The following KDM1A variants were observed in gnomAD, a reference collection of about 807,000 sequenced individuals.
The protein encoded by KDM1A is lysine-specific histone demethylase 1A.
In KDM1A, 49 loss-of-function variants were observed where a neutral mutation model predicts 109.4. The ratio of observed to expected loss-of-function variants is 0.45; its 90% CI spans 0.36 to 0.57. The LOEUF (loss-of-function observed/expected upper bound fraction) is 0.57, where lower values mean the gene tolerates loss of function less well. KDM1A is among the 20% of genes least tolerant of loss of function. The pLI, the probability that KDM1A is intolerant of heterozygous loss-of-function variation, is 0.00. For missense variants in KDM1A, 668 were observed against 1,116.6 expected (o/e 0.60, Z 5.73); for synonymous variants, 380 against 415.4 (o/e 0.91, Z 1.04).
Position 23,071,300 on chromosome 1 carries a change from G to C in KDM1A, c.1489G>C (p.Asp497His), listed in dbSNP as rs1170293720. ...KEASEVKPPR[D>H]ITAEFLVKSK... ...AGCATCTGAAGTAAAGCCACCCAGA[G>C]ATATTACTGCCGAGTTCTTAGTGAA... The change falls in exon 13 of 21, where the codon GAT (aspartate) becomes CAT (histidine). Residue 497 changes from aspartate (D) to histidine (H), a missense_variant. This residue lies in a region of KDM1A where 62 missense variants were observed against 82.8 expected (regional missense o/e 0.75). Coordinates refer to ENST00000400181, the MANE Select transcript of KDM1A (RefSeq NM_001009999.3). 1 of 1,613,654 alleles carries C rather than the reference G, an allele frequency of 6.2e-7. No individual in the cohort carries two copies. The highest frequency in any genetic ancestry group is 8.5e-7 in the Non-Finnish European group (1 of 1,179,830).
chr1:23,063,856 G>A (rs186952031), intron 9 of KDM1A, among the ~76,000 whole-genome samples: 19 of 152,132 alleles, frequency 1.2e-4, no homozygotes, highest in African/African-American at 4.6e-4. Flanking sequence ...GGGTGGGAGT[G>A]GGGGGAAGAC....
chr1:23,020,889 T>A (rs1356770148), intron 1 of KDM1A, among the ~76,000 whole-genome samples: 2 of 152,212 alleles, frequency 1.3e-5, no homozygotes, highest in South Asian at 2.1e-4. Context: ...CATGGGACAC[T>A]GTGTGCAGGG....
At chr1:23,033,220 T>G (rs897013542) in intron 2 of KDM1A, among the ~76,000 whole-genome samples, 3 of 152,206 alleles carry the variant, frequency 2.0e-5, no homozygotes, top group African/African-American at 7.2e-5. Context: ...AGGCAATCAC[T>G]AGAAATTATT....
At chr1:23,056,809 T>TTTTG (rs967002578) in intron 7 of KDM1A, among the ~76,000 whole-genome samples, 1 of 150,994 alleles carries the variant, frequency 6.6e-6, no homozygotes, top group South Asian at 2.1e-4. Flanking sequence ...TTGTTTGCAT[T>TTTTG]TTTGTTTGTT....
intron 14 of KDM1A, among the ~76,000 whole-genome samples, chr1:23,072,925 C>T (rs995143563): frequency 6.6e-6 from 1 of 152,216 alleles, no homozygotes; most frequent in African/African-American, 2.4e-5. Context: ...CAGGCATGAG[C>T]CACAGCATCC....
chr1:23,080,673 C>T (rs1643592843), intron 18 of KDM1A, among the ~76,000 whole-genome samples: 1 of 152,142 alleles, frequency 6.6e-6, no homozygotes, highest in Admixed American at 6.5e-5. Flanking sequence ...AGAGCCTCTG[C>T]GTGTACTGTG....
rs757177867 is a variant in KDM1A, at chr1:23,057,561, T to A, written c.1068T>A (p.Gly356=). 3.1e-6 allele frequency: 5 copies of A among 1,612,482 alleles called. No homozygotes were observed. In the South Asian group the frequency reaches 4.4e-5, roughly 14 times the overall value. Residue 356 remains glycine, a synonymous_variant, in exon 8 of 21, where the codon GGT becomes GGA. Transcript: ENST00000400181. ...VADLGAMVVT[G]LGGNPMAVVS... is the part of the protein sequence containing the mutation. ...ATCTTGGAGCCATGGTGGTAACAGG[T>A]CTTGGTAAGTAGCTATTGGTTTGTG...
intron 9 of KDM1A, among the ~76,000 whole-genome samples, chr1:23,061,819 A>G (rs1643010845): frequency 6.6e-6 from 1 of 151,850 alleles, no homozygotes; most frequent in Non-Finnish European, 1.5e-5. Flanking sequence ...ACCACGCCCC[A>G]CTAATTTTTT....
chr1:23,037,465 G>A (rs748173274), intron 2 of KDM1A, among the ~76,000 whole-genome samples: 7 of 152,040 alleles, frequency 4.6e-5, no homozygotes, highest in African/African-American at 9.7e-5. Flanking sequence ...CATGTACAGC[G>A]TGATGTTTTG....
chr1:23,066,740 T>C (rs1286813467), intron 10 of KDM1A, among the ~76,000 whole-genome samples: 1 of 152,196 alleles, frequency 6.6e-6, no homozygotes, highest in Non-Finnish European at 1.5e-5. Flanking sequence ...GTCTCATAAC[T>C]ACCTAGATTT....
chr1:23,051,725 T>C (rs1018916267), intron 4 of KDM1A, among the ~76,000 whole-genome samples: 3 of 152,204 alleles, frequency 2.0e-5, no homozygotes, highest in Non-Finnish European at 4.4e-5. Context: ...CAGAAGAAAT[T>C]AACCTTGTGA....
At chr1:23,022,567 G>C (rs1317661318) in intron 1 of KDM1A, among the ~76,000 whole-genome samples, 3 of 151,020 alleles carry the variant, frequency 2.0e-5, no homozygotes, top group Admixed American at 6.6e-5. Context: ...TCAAACTCCT[G>C]ACCTCAAGGT....
In KDM1A at chr1:23,083,429, A is replaced by T; in HGVS notation, c.*65A>T. The stretch of plus-strand genomic sequence containing the variant: ...TCTGCCATGTAAGGAAGGCTCTTCT[A>T]GCAATACTAGATCCCACTGAGAAAA... On this transcript the variant is annotated 3_prime_UTR_variant, in exon 21 of 21. Transcript: ENST00000400181. The T allele has an allele frequency of 1.3e-6, 2 of 1,485,972 alleles. No individual in the cohort carries two copies. Among genetic ancestry groups the T allele is most frequent in the Non-Finnish European group, 1.8e-6 (2 of 1,099,316 alleles). The allele number at this position is 1,485,972 out of a possible 1,614,324, so 92.0% of individuals were successfully genotyped here.
At position 23,069,676 on chromosome 1, in the gene KDM1A, A is replaced by G. The variant is rs1643262735; in HGVS notation, c.1413+525A>G. On this transcript the variant is annotated intron_variant, in intron 12 of 20. Transcript: ENST00000400181. Reference sequence around the variant, plus strand: ...CTAGCAGGAGAATTAGCTGTACTGGAGCCAAGTTTTCATTGGTGAAGACCA... The same window carrying G: ...CTAGCAGGAGAATTAGCTGTACTGGGGCCAAGTTTTCATTGGTGAAGACCA... 2.0e-5 allele frequency among the ~76,000 whole-genome samples: 3 copies of G among 152,166 alleles called. No individual in the cohort carries two copies. The South Asian group carries it at 6.2e-4, about 32-fold the overall frequency.
intron 15 of KDM1A, among the ~76,000 whole-genome samples, chr1:23,076,630 C>G (rs1643472370): frequency 6.6e-6 from 1 of 152,042 alleles, no homozygotes. Context: ...CTACCCTAAC[C>G]ACCATAGAAG....
chr1:23,042,440 A>ATTATTATTATTAT lies in KDM1A; in HGVS notation c.518-1985_518-1984insATTATTATTATTT, dbSNP rs1553127465. On this transcript the variant is annotated intron_variant, in intron 2 of 20. Transcript: ENST00000400181. ...TTTTTAAAAATCTATGAAATATATT[A>ATTATTATTATTAT]TTTTTTTTTTTTTTTTTTTTTTTTT... Among the ~76,000 whole-genome samples the ATTATTATTATTAT allele has an allele frequency of 2.3e-3, 50 of 21,572 alleles. 2 individuals carry two copies. Among genetic ancestry groups the ATTATTATTATTAT allele is most frequent in the African/African-American group, 7.2e-3 (44 of 6,152 alleles). 14.2% of individuals were successfully genotyped at this position (21,572 alleles called of 152,430 possible).
chr1:23,074,370 A>G (rs1293364503), intron 15 of KDM1A, among the ~76,000 whole-genome samples: 1 of 152,220 alleles, frequency 6.6e-6, no homozygotes, highest in Admixed American at 6.5e-5. Context: ...ATGTTTTACA[A>G]ATATTTATTT....
At chr1:23,063,361 G>T (rs1047038716) in intron 9 of KDM1A, among the ~76,000 whole-genome samples, 1 of 152,168 alleles carries the variant, frequency 6.6e-6, no homozygotes, top group East Asian at 1.9e-4. Context: ...GACAGCATGT[G>T]AAAAGTAATG....
At chr1:23,024,043 C>T (rs948104873) in intron 1 of KDM1A, among the ~76,000 whole-genome samples, 4 of 152,028 alleles carry the variant, frequency 2.6e-5, no homozygotes, top group African/African-American at 9.7e-5. Flanking sequence ...GAAATGGCTT[C>T]TCCCTGTGTT....
Sources: allele counts gnomAD v4.1 joint callset (sites outside exome capture counted in the v4.1 genomes callset), GRCh38; gene constraint gnomAD v4.1.1; regional missense constraint gnomAD v4.1.1; transcripts MANE v1.5; gene names NCBI Gene and HGNC (gene_info 2026-07-23, HGNC 2026-07-21).